SNX3: variants seen among roughly 807,000 people sequenced by gnomAD.
The protein encoded by SNX3 is sorting nexin-3.
SNX3 carries 5 observed loss-of-function variants against 17.7 expected under a neutral mutation model. That is an observed-to-expected ratio of 0.28 (90% CI 0.15 to 0.59). The LOEUF (loss-of-function observed/expected upper bound fraction) is 0.59. SNX3 is among the 20% of genes least tolerant of loss of function. The probability of loss-of-function intolerance (pLI) is 0.88; values close to 1 mark genes in which losing one functional copy is unlikely to be tolerated. For synonymous variants in SNX3, 91 were observed against 76.5 expected (o/e 1.19, Z -0.99); for missense variants, 132 against 206.8 (o/e 0.64, Z 2.22).
intron 1 of SNX3, among the ~76,000 whole-genome samples, chr6:108,246,272 A>C (rs1381019044): frequency 7.3e-6 from 1 of 137,510 alleles, no homozygotes; most frequent in Non-Finnish European, 1.5e-5. Context: ...GTTATTTCTG[A>C]GGCCTCTAAG....
chr6:108,218,177 C>T (rs561690504), intron 2 of SNX3, among the ~76,000 whole-genome samples: 1 of 152,192 alleles, frequency 6.6e-6, no homozygotes, highest in Admixed American at 6.5e-5. Flanking sequence ...CTTATATATT[C>T]TCGACATAAC....
At chr6:108,224,939 A>C (rs1305010048) in intron 1 of SNX3, among the ~76,000 whole-genome samples, 1 of 152,230 alleles carries the variant, frequency 6.6e-6, no homozygotes, top group Non-Finnish European at 1.5e-5. Context: ...CTAAATTTAA[A>C]AAAAGTAACA....
At chr6:108,220,929 C>T (rs1190105832) in intron 2 of SNX3, among the ~76,000 whole-genome samples, 1 of 151,004 alleles carries the variant, frequency 6.6e-6, no homozygotes, top group South Asian at 2.1e-4. Flanking sequence ...TGCAGTGAGC[C>T]GACATGATGC....
chr6:108,255,648 A>AC (rs370206497), intron 1 of SNX3, among the ~76,000 whole-genome samples: 3 of 150,892 alleles, frequency 2.0e-5, no homozygotes, highest in African/African-American at 7.3e-5. Context: ...ACCGTGCCCG[A>AC]CCCCCCGATT....
rs1391551575 is a variant in SNX3, at chr6:108,212,026, A to C, written c.*123T>G. The C allele has an allele frequency of 5.2e-6, 3 of 580,686 alleles. No homozygotes were observed. Among genetic ancestry groups the C allele is most frequent in the Admixed American group, 3.6e-5 (1 of 28,148 alleles). The allele number at this position is 580,686 out of a possible 1,614,324, so 36.0% of individuals were successfully genotyped here. ...GCCAAAACAAAACAAAACTGAGCAT[A>C]TGAGTGTTAGTATACTGAAGGCATG... is the stretch of plus-strand genomic sequence containing the variant. On this transcript the variant is annotated 3_prime_UTR_variant, in exon 4 of 4. Transcript: ENST00000230085.
chr6:108,223,259 C>T (rs1240979376), intron 1 of SNX3, among the ~76,000 whole-genome samples: 1 of 152,176 alleles, frequency 6.6e-6, no homozygotes, highest in Non-Finnish European at 1.5e-5. Context: ...CCGCCTCAGC[C>T]TCCCAAGTAG....
At chr6:108,224,913 C>T (rs1215253981) in intron 1 of SNX3, among the ~76,000 whole-genome samples, 1 of 152,134 alleles carries the variant, frequency 6.6e-6, no homozygotes, top group Admixed American at 6.6e-5. Flanking sequence ...CTACTTGTTG[C>T]CACTTCAGTC....
chr6:108,260,307 C>T (rs1017820228), intron 1 of SNX3, among the ~76,000 whole-genome samples: 2 of 152,230 alleles, frequency 1.3e-5, no homozygotes, highest in Non-Finnish European at 2.9e-5. Context: ...ACTTTAGCAG[C>T]TCGGGAAGGG....
At chr6:108,231,331 C>A (rs1434473506) in intron 1 of SNX3, among the ~76,000 whole-genome samples, 2 of 152,172 alleles carry the variant, frequency 1.3e-5, no homozygotes, top group Non-Finnish European at 2.9e-5. Context: ...GTGATCCACC[C>A]GCCTCAACCT....
chr6:108,222,361 A>G (rs1266377355), intron 2 of SNX3: 1 of 1,301,050 alleles, frequency 7.7e-7, no homozygotes, highest in East Asian at 5.5e-5. Flanking sequence ...GCTTTAATTT[A>G]TTTTGATGCC....
chr6:108,217,015 C>T (rs368894245), intron 2 of SNX3, among the ~76,000 whole-genome samples: 18 of 152,176 alleles, frequency 1.2e-4, no homozygotes, highest in South Asian at 4.1e-4. Flanking sequence ...CTAACCATTA[C>T]GTTCCAGTAG....
At chr6:108,222,395 GAGA>G (rs1374966812) in intron 2 of SNX3, 26 of 1,270,408 alleles carry the variant, frequency 2.0e-5, no homozygotes, top group Non-Finnish European at 2.3e-5. Context: ...TCTATTCTAA[GAGA>G]AGATCAGGCA....
chr6:108,230,862 C>T (rs1775123675), intron 1 of SNX3, among the ~76,000 whole-genome samples: 1 of 152,162 alleles, frequency 6.6e-6, no homozygotes, highest in Non-Finnish European at 1.5e-5. Flanking sequence ...TCCACTGAGT[C>T]CATAAAACTA....
At chr6:108,247,673 C>A (rs984954073) in intron 1 of SNX3, among the ~76,000 whole-genome samples, 1 of 152,140 alleles carries the variant, frequency 6.6e-6, no homozygotes, top group African/African-American at 2.4e-5. Flanking sequence ...TGAGCCACCA[C>A]GCCCAGCCTA....
At chr6:108,221,606 C>T (rs1029254299) in intron 2 of SNX3, among the ~76,000 whole-genome samples, 2 of 121,866 alleles carry the variant, frequency 1.6e-5, no homozygotes, top group Admixed American at 1.2e-4. Flanking sequence ...AGTGCAGGGG[C>T]AAGACTACAG....
chr6:108,212,344 A>T (rs188243935), intron 3 of SNX3, 90 bp from the exon 4 acceptor site: 15 of 713,366 alleles, frequency 2.1e-5, no homozygotes, highest in African/African-American at 3.8e-5. Context: ...AGCATGTATA[A>T]TTTTTTTTTT....
intron 2 of SNX3, among the ~76,000 whole-genome samples, chr6:108,220,068 C>T (rs1041104011): frequency 7.9e-5 from 12 of 152,094 alleles, no homozygotes; most frequent in Non-Finnish European, 1.3e-4. Context: ...TATTTTTGTA[C>T]ATTTGTTCAA....
intron 2 of SNX3, among the ~76,000 whole-genome samples, chr6:108,219,421 C>T (rs1261605120): frequency 2.0e-5 from 3 of 152,124 alleles, no homozygotes; most frequent in Non-Finnish European, 4.4e-5. Context: ...GCCTGGGCAA[C>T]ATAGTGAAGC....
chr6:108,224,741 CT>C (rs1582477107), intron 1 of SNX3, among the ~76,000 whole-genome samples: 1 of 152,186 alleles, frequency 6.6e-6, no homozygotes, highest in Non-Finnish European at 1.5e-5. Flanking sequence ...GGTCTTACCC[CT>C]AGTAGGAAAT....
Sources: allele counts gnomAD v4.1 joint callset (sites outside exome capture counted in the v4.1 genomes callset), GRCh38; gene constraint gnomAD v4.1.1; transcripts MANE v1.5; gene names NCBI Gene and HGNC (gene_info 2026-07-23, HGNC 2026-07-21).